The following TUSC3 variants were observed in gnomAD, a reference collection of about 807,000 sequenced individuals.
The protein encoded by TUSC3 is dolichyl-diphosphooligosaccharide--protein glycosyltransferase subunit TUSC3.
Under a neutral mutation model 44.8 loss-of-function variants are expected in TUSC3, and 45 were observed. The observed-to-expected ratio is 1.00, with a 90% CI of 0.79 to 1.29. TUSC3 has a LOEUF of 1.29. Ranked by LOEUF, TUSC3 falls within the 50% of genes most tolerant of loss-of-function variation. TUSC3 has a pLI of 0.00. For missense variants in TUSC3, 519 were observed against 437.9 expected (o/e 1.19, Z -1.65); for synonymous variants, 212 against 152.9 (o/e 1.39, Z -2.85).
intron 1 of TUSC3, among the ~76,000 whole-genome samples, chr8:15,553,595 A>G (rs1313551305): frequency 2.6e-5 from 4 of 151,620 alleles, no homozygotes; most frequent in African/African-American, 9.7e-5. Flanking sequence ...TGAGAGGTTA[A>G]ATAACAACTG....
At chr8:15,444,712 A>G (rs1395433629) in intron 1 of TUSC3, among the ~76,000 whole-genome samples, 1 of 152,214 alleles carries the variant, frequency 6.6e-6, no homozygotes, top group South Asian at 2.1e-4. Context: ...CTTTGTCAGT[A>G]TCTCCCAAGT....
chr8:15,735,194 G>A (rs1264044259), intron 7 of TUSC3, among the ~76,000 whole-genome samples: 6 of 152,084 alleles, frequency 3.9e-5, no homozygotes, highest in African/African-American at 1.4e-4. Context: ...AGGAGTCGCT[G>A]GCAGTCGTTC....
intron 2 of TUSC3, among the ~76,000 whole-genome samples, chr8:15,494,033 C>T (rs1001333450): frequency 2.6e-5 from 4 of 152,160 alleles, no homozygotes; most frequent in South Asian, 4.1e-4. Context: ...CTCTTACACT[C>T]GTGGCATGCT....
chr8:15,473,796 G>C (rs1178667221), intron 1 of TUSC3, among the ~76,000 whole-genome samples: 1 of 152,134 alleles, frequency 6.6e-6, no homozygotes, highest in Non-Finnish European at 1.5e-5. Context: ...ACAGGACAAG[G>C]CAAAACAGAA....
At chr8:15,429,328 T>C (rs376867149) in intron 1 of TUSC3, among the ~76,000 whole-genome samples, 6 of 151,762 alleles carry the variant, frequency 4.0e-5, no homozygotes, top group African/African-American at 1.5e-4. Flanking sequence ...CATTGATCTA[T>C]ATCTCTGTTT....
At chr8:15,618,610 G>C (rs1805099898) in intron 1 of TUSC3, among the ~76,000 whole-genome samples, 1 of 152,138 alleles carries the variant, frequency 6.6e-6, no homozygotes. Context: ...ACCTCGTAAA[G>C]GACCTGCCTG....
Position 15,507,719 on chromosome 8 carries a change from T to C in TUSC3, n.189+24236T>C, listed in dbSNP as rs543693919. On this transcript the variant is annotated intron_variant and non_coding_transcript_variant, in intron 2 of 5. Transcript: ENST00000503191. ...CTAAGTATTGAGAACTTGATAGGTA[T>C]TGGAAATTCAACTAATAGAAGTCTT... Among the ~76,000 whole-genome samples, 5 of 152,226 alleles carry C rather than the reference T, an allele frequency of 3.3e-5. No individual in the cohort carries two copies. The South Asian group carries it at 8.3e-4, about 25-fold the overall frequency.
chr8:15,836,843 T>G, the TUSC3 span, among the ~76,000 whole-genome samples: 1 of 152,204 alleles, frequency 6.6e-6, no homozygotes, highest in African/African-American at 2.4e-5. Flanking sequence ...AGTTTTATAC[T>G]TCTACTTTTC....
chr8:15,684,741 G>C (rs1808559085), intron 6 of TUSC3, among the ~76,000 whole-genome samples: 1 of 152,162 alleles, frequency 6.6e-6, no homozygotes, highest in Non-Finnish European at 1.5e-5. Flanking sequence ...TCTGCAGCTT[G>C]GTATCCCTGG....
At chr8:15,460,773 T>A (rs1006393016) in intron 1 of TUSC3, among the ~76,000 whole-genome samples, 1 of 152,192 alleles carries the variant, frequency 6.6e-6, no homozygotes, top group South Asian at 2.1e-4. Flanking sequence ...CAGCACCATT[T>A]GTTGAAAAGG....
the TUSC3 span, among the ~76,000 whole-genome samples, chr8:15,800,171 G>A: frequency 6.6e-6 from 1 of 152,290 alleles, no homozygotes; most frequent in East Asian, 1.9e-4. Context: ...AGGGCAATCA[G>A]TGCCACGCTC....
At chr8:15,778,688 G>A in the TUSC3 span, among the ~76,000 whole-genome samples, 1 of 152,120 alleles carries the variant, frequency 6.6e-6, no homozygotes, top group African/African-American at 2.4e-5. Flanking sequence ...TAGGGAAAGT[G>A]TAAATTTCCA....
At chr8:15,429,653 A>T (rs1489629973) in intron 1 of TUSC3, among the ~76,000 whole-genome samples, 4 of 151,464 alleles carry the variant, frequency 2.6e-5, no homozygotes, top group South Asian at 4.2e-4. Context: ...TATTTCATTG[A>T]GCAGTGGTTT....
At chr8:15,560,185 T>C (rs1302530027) in intron 1 of TUSC3, among the ~76,000 whole-genome samples, 1 of 145,366 alleles carries the variant, frequency 6.9e-6, no homozygotes, top group Non-Finnish European at 1.5e-5. Context: ...AGGAGCTCTT[T>C]TAGGGCAGGC....
At chr8:15,512,870 GTGTATATA>G (rs1801159341) in intron 2 of TUSC3, among the ~76,000 whole-genome samples, 1 of 101,212 alleles carries the variant, frequency 9.9e-6, no homozygotes, top group Non-Finnish European at 2.1e-5. Flanking sequence ...ATATATGTGT[GTGTATATA>G]TATATATACA....
intron 1 of TUSC3, among the ~76,000 whole-genome samples, chr8:15,420,885 G>T (rs1744636865): frequency 6.6e-6 from 1 of 152,108 alleles, no homozygotes; most frequent in Non-Finnish European, 1.5e-5. Context: ...TAACTTTAAA[G>T]TGACCTGTCT....
At chr8:15,504,098 T>A (rs1801012432) in intron 2 of TUSC3, among the ~76,000 whole-genome samples, 1 of 151,408 alleles carries the variant, frequency 6.6e-6, no homozygotes, top group Non-Finnish European at 1.5e-5. Flanking sequence ...TAGAGTCAAA[T>A]GAGGCACACA....
At chr8:15,741,694 TA>T (rs573887591) in intron 7 of TUSC3, among the ~76,000 whole-genome samples, 40 of 145,428 alleles carry the variant, frequency 2.8e-4, no homozygotes, top group Admixed American at 4.8e-4. Context: ...CTCTAAAAAT[TA>T]AAAAAAAAAA....
intron 2 of TUSC3, among the ~76,000 whole-genome samples, chr8:15,527,774 C>T (rs1801395312): frequency 6.6e-6 from 1 of 152,142 alleles, no homozygotes; most frequent in South Asian, 2.1e-4. Context: ...TAACTAAGCA[C>T]TAGTTACTGA....
Sources: gnomAD v4.1 joint callset for allele counts (sites outside exome capture counted in the v4.1 genomes callset) on GRCh38, gnomAD v4.1.1 for gene constraint, MANE v1.5 for transcripts, NCBI Gene and HGNC (gene_info 2026-07-23, HGNC 2026-07-21) for gene names.